The following SETD5 variants were observed in gnomAD, a reference collection of about 807,000 sequenced individuals.
The protein encoded by SETD5 is SET domain containing 5, also known as histone-lysine N-methyltransferase SETD5.
SETD5 carries 44 observed loss-of-function variants against 153.3 expected under a neutral mutation model. That is an observed-to-expected ratio of 0.29 (90% CI 0.23 to 0.37). SETD5 has a LOEUF of 0.37. Among genes scored for constraint, SETD5 ranks in the 10% least tolerant of loss-of-function variants. The pLI is 1.00. For synonymous variants in SETD5, 716 were observed against 645.2 expected (o/e 1.11, Z -1.66); for missense variants, 1,544 against 1,768.0 (o/e 0.87, Z 2.27).
At chr3:9,446,259 C>A (rs2041983772) in intron 13 of SETD5, among the ~76,000 whole-genome samples, 1 of 133,576 alleles carries the variant, frequency 7.5e-6, no homozygotes, top group Admixed American at 8.1e-5. Flanking sequence ...TGCACTCCGG[C>A]CTGGGCAAAA....
At chr3:9,398,791 G>T (rs748524708) in intron 1 of SETD5, among the ~76,000 whole-genome samples, 1 of 152,246 alleles carries the variant, frequency 6.6e-6, no homozygotes, top group South Asian at 2.1e-4. Flanking sequence ...TAAATCGCAT[G>T]AGAGGGAAAG....
At position 9,440,705 on chromosome 3, in the gene SETD5, A is replaced by C; in HGVS notation, c.810+7A>C. The C allele has an allele frequency of 6.2e-7, 1 of 1,611,610 alleles. No individual in the cohort carries two copies. The highest frequency in any genetic ancestry group is 1.7e-5 in the Admixed American group (1 of 59,722). On this transcript the variant is annotated splice_region_variant and intron_variant, in intron 8 of 22. Transcript: ENST00000402198. The stretch of plus-strand genomic sequence containing the variant: ...TATTGGTTCCCAAATGCAGGTAAGC[A>C]CCAAAGGGTTGAGGACTCTCTAAGT...
chr3:9,429,052 G>A (rs1183866162), intron 3 of SETD5, 43 bp downstream of exon 3: 9 of 1,425,188 alleles, frequency 6.3e-6, no homozygotes, highest in Non-Finnish European at 8.9e-6. Context: ...ATCAGTCTGT[G>A]TGGAGACAGC....
intron 16 of SETD5, among the ~76,000 whole-genome samples, chr3:9,449,763 G>T (rs559329374): frequency 6.6e-6 from 1 of 152,176 alleles, no homozygotes. Flanking sequence ...TGCTGAATGA[G>T]CAGCACATTG....
intron 1 of SETD5, among the ~76,000 whole-genome samples, chr3:9,412,417 T>A (rs992942440): frequency 3.5e-4 from 45 of 126,776 alleles, no homozygotes; most frequent in African/African-American, 1.1e-3. Flanking sequence ...TTTTTTTTTT[T>A]AAAGAGACAA....
At chr3:9,442,325 C>G (rs1479465788) in intron 10 of SETD5, 80 bp downstream of exon 10, 26 of 1,015,318 alleles carry the variant, frequency 2.6e-5, no homozygotes, top group Admixed American at 9.9e-5. Context: ...GAAAACTTCA[C>G]TCAGATAAAG....
At chr3:9,426,201 G>C in intron 2 of SETD5, 1 of 84,568 alleles carries the variant, frequency 1.2e-5, no homozygotes. Context: ...AGGCAAAAAA[G>C]TTCATCAGTC....
intron 1 of SETD5, among the ~76,000 whole-genome samples, chr3:9,399,802 G>C (rs1415328207): frequency 6.7e-6 from 1 of 148,358 alleles, no homozygotes; most frequent in South Asian, 2.1e-4. Flanking sequence ...CATAATTCCA[G>C]CCCTTCTGGC....
At chr3:9,446,806 T>C (rs1400304457) in intron 13 of SETD5, among the ~76,000 whole-genome samples, 1 of 152,194 alleles carries the variant, frequency 6.6e-6, no homozygotes, top group African/African-American at 2.4e-5. Flanking sequence ...TTCTTTCATA[T>C]TAAAGTTTCA....
Position 9,474,553 on chromosome 3 carries a change from G to T in SETD5, c.3602G>T (p.Trp1201Leu), listed in dbSNP as rs750283738. 14 of 1,613,774 alleles carry T rather than the reference G, an allele frequency of 8.7e-6. No individual in the cohort carries two copies. The Admixed American group carries it at 2.2e-4, about 25-fold the overall frequency. ...CAAAAGGGAGAGCCCTCTCCCACAT[G>T]GGAGAGTAACATCACAGAGAAAGAC... Reference protein sequence around the residue: ...VAQKGEPSPTWESNITEKDSD... With the variant: ...VAQKGEPSPTLESNITEKDSD... Residue 1201 changes from tryptophan (W) to leucine (L), a missense_variant, in exon 21 of 23, where the codon TGG becomes TTG. Around this residue, in one of 9 missense-constraint regions of SETD5, gnomAD observed 38 missense variants for 71.4 expected, o/e 0.53. Coordinates refer to ENST00000402198, the MANE Select transcript of SETD5 (RefSeq NM_001080517.3).
chr3:9,456,346 T>C (rs11923091), intron 17 of SETD5, among the ~76,000 whole-genome samples: 10,459 of 152,004 alleles, frequency 0.069, 532 homozygotes, highest in Admixed American at 0.12. Flanking sequence ...CCTGGTCACG[T>C]ACCTGTAATC....
At chr3:9,448,677 T>G in intron 16 of SETD5, 47 bp downstream of exon 16, 1 of 1,444,000 alleles carries the variant, frequency 6.9e-7, no homozygotes, top group Non-Finnish European at 9.2e-7. Context: ...TGTGTGTGCT[T>G]TATTTTTTTA....
Position 9,434,057 on chromosome 3 carries a change from G to C in SETD5, c.177+107G>C. 6.2e-7 allele frequency: 1 copy of C among 1,604,228 alleles called. No homozygotes were observed. ...TGTTTATATGCAGCATGACGAAGTT[G>C]CCCCTTTTGCACTTCCCTGACTCCA... is the stretch of plus-strand genomic sequence containing the variant. On this transcript the variant is annotated intron_variant, in intron 4 of 22. Transcript: ENST00000402198. This position sits in a 1 kb window ranked among gnomAD's most constrained non-coding sequence, Gnocchi z 5.6.
At position 9,442,206 on chromosome 3, in the gene SETD5, T is replaced by C; in HGVS notation, c.1038T>C (p.Asp346=). The part of the protein sequence containing the change: ...MCVDARTFGN[D]ARFIRRSCTP... ...TGGATGCCCGTACTTTCGGTAATGA[T>C]GCTCGGTTCATCAGAAGATCATGTA... Residue 346 remains aspartate, a synonymous_variant, in exon 10 of 23, where the codon GAT becomes GAC. Coordinates refer to ENST00000402198, the MANE Select transcript of SETD5 (RefSeq NM_001080517.3). 6.2e-7 allele frequency: 1 copy of C among 1,613,254 alleles called. No homozygotes were observed. The highest frequency in any genetic ancestry group is 8.5e-7 in the Non-Finnish European group (1 of 1,179,810).
rs775143811 is a variant in SETD5 at position 9,434,089 on chromosome 3, G to A, written c.177+139G>A. ...TTGCACTTCCCTGACTCCAGCGGAC[G>A]TCTAGCCCTGCATCATTGTTCTTGT... On this transcript the variant is annotated intron_variant, in intron 4 of 22. Transcript: ENST00000402198. This position sits in a 1 kb window ranked among gnomAD's most constrained non-coding sequence, Gnocchi z 5.6. 1.0e-5 allele frequency: 16 copies of A among 1,572,090 alleles called. No individual in the cohort carries two copies. Among genetic ancestry groups the A allele is most frequent in the East Asian group, 2.3e-5 (1 of 42,896 alleles).
intron 22 of SETD5, 137 bp downstream of exon 22, chr3:9,475,293 T>A: frequency 8.9e-7 from 1 of 1,121,470 alleles, no homozygotes; most frequent in Non-Finnish European, 1.3e-6. Context: ...CATCTGCTTG[T>A]CCTCAGGTAA....
chr3:9,442,508 A>T (rs1329579647), intron 10 of SETD5, among the ~76,000 whole-genome samples: 1 of 152,216 alleles, frequency 6.6e-6, no homozygotes, highest in Non-Finnish European at 1.5e-5. Context: ...TAAGAAAATC[A>T]AGTGTAGTTA....
chr3:9,422,377 A>G (rs533579003), intron 1 of SETD5, among the ~76,000 whole-genome samples: 37 of 152,298 alleles, frequency 2.4e-4, no homozygotes, highest in African/African-American at 8.7e-4. Flanking sequence ...TATGAAATAT[A>G]CTTTCTGTCT....
At chr3:9,463,112 TG>T (rs2044178654) in intron 17 of SETD5, among the ~76,000 whole-genome samples, 1 of 152,074 alleles carries the variant, frequency 6.6e-6, no homozygotes, top group Non-Finnish European at 1.5e-5. Context: ...CTCTGCCTCC[TG>T]GGTTCAAGTG....
Sources: allele counts gnomAD v4.1 joint callset (sites outside exome capture counted in the v4.1 genomes callset), GRCh38; gene constraint gnomAD v4.1.1; regional missense constraint gnomAD v4.1.1; non-coding constraint Gnocchi (gnomAD v3.1); transcripts MANE v1.5; gene names NCBI Gene and HGNC (gene_info 2026-07-23, HGNC 2026-07-21).